PDE7B: variants seen among roughly 807,000 people sequenced by gnomAD.
PDE7B encodes phosphodiesterase 7B.
Under a neutral mutation model 56.2 loss-of-function variants are expected in PDE7B, and 29 were observed. That is an observed-to-expected ratio of 0.52 (90% CI 0.38 to 0.70). The LOEUF (loss-of-function observed/expected upper bound fraction) is 0.70. Ranked by LOEUF, PDE7B falls within the 30% of genes least tolerant of loss-of-function variation. The pLI is 0.00. For synonymous variants in PDE7B, 197 were observed against 196.9 expected, an observed-to-expected ratio of 1.00 and a Z score of 0.00; for missense variants, 490 against 565.0, an observed-to-expected ratio of 0.87 and a Z score of 1.35.
intron 2 of PDE7B, among the ~76,000 whole-genome samples, chr6:135,974,562 CAG>C (rs1309441382): frequency 6.6e-6 from 1 of 152,092 alleles, no homozygotes; most frequent in African/African-American, 2.4e-5. Context: ...ATGGCTCAAA[CAG>C]AAAAAACTTG....
intron 1 of PDE7B, among the ~76,000 whole-genome samples, chr6:135,885,922 C>T (rs1320522747): frequency 6.6e-6 from 1 of 152,174 alleles, no homozygotes; most frequent in Non-Finnish European, 1.5e-5. Context: ...CATGCAGGCA[C>T]ATTTTGATCA....
chr6:136,099,434 T>C lies in PDE7B; in HGVS notation c.83-9297T>C, dbSNP rs528888085. Among the ~76,000 whole-genome samples, 9 of 152,256 alleles carry C rather than the reference T, an allele frequency of 5.9e-5. No individual in the cohort carries two copies. In the South Asian group the frequency reaches 1.7e-3, roughly 28 times the overall value. On this transcript the variant is annotated intron_variant, in intron 2 of 12. Coordinates refer to ENST00000308191, the MANE Select transcript of PDE7B (RefSeq NM_018945.4). The stretch of plus-strand genomic sequence containing the variant: ...CTATTTCTCCACATCCTCTCCAGCA[T>C]CTGTTGTTTCCTGACTTTTTAATGA...
intron 1 of PDE7B, among the ~76,000 whole-genome samples, chr6:135,872,414 T>G (rs1486645159): frequency 6.6e-6 from 1 of 152,194 alleles, no homozygotes; most frequent in Admixed American, 6.6e-5. Flanking sequence ...AAAAATATTT[T>G]CAATTTCACA....
chr6:135,945,750 C>CCTCTTTCTTTTACAGTTCACAACTT (rs1774586662), intron 1 of PDE7B, among the ~76,000 whole-genome samples: 4 of 152,126 alleles, frequency 2.6e-5, no homozygotes, highest in Non-Finnish European at 5.9e-5. Flanking sequence ...AGCTCATCTT[C>CCTCTTTCTTTTACAGTTCACAACTT]GGTCTCCTTA....
intron 2 of PDE7B, among the ~76,000 whole-genome samples, chr6:135,954,021 A>G (rs1774746585): frequency 6.6e-6 from 1 of 152,200 alleles, no homozygotes; most frequent in Non-Finnish European, 1.5e-5. Context: ...TACTCTGCCC[A>G]AAGAGGGTAA....
In PDE7B at chr6:135,931,949, G is replaced by GCA. The variant is rs1180950177; in HGVS notation, c.22-15514_22-15513insAC. ...TTTGTTACCGCGCACACACACACGC[G>GCA]CGCGCACACACACACACACACACAC... On this transcript the variant is annotated intron_variant, in intron 1 of 12. Transcript: ENST00000308191. Among the ~76,000 whole-genome samples, 40 of 62,170 alleles carry GCA rather than the reference G, an allele frequency of 6.4e-4. No individual in the cohort carries two copies. In the East Asian group the frequency reaches 7.4e-3, roughly 11 times the overall value. The allele number at this position is 62,170 out of a possible 152,430, so 40.8% of individuals were successfully genotyped here. A position where few individuals can be genotyped will look rare whatever the true frequency, so the allele number is the denominator to read the frequency against.
At chr6:136,019,602 G>T (rs1339095584) in intron 2 of PDE7B, among the ~76,000 whole-genome samples, 1 of 152,108 alleles carries the variant, frequency 6.6e-6, no homozygotes, top group Non-Finnish European at 1.5e-5. Context: ...TAATGAGGGG[G>T]TTAGGAGAAC....
At chr6:135,988,202 A>G (rs964205989) in intron 2 of PDE7B, among the ~76,000 whole-genome samples, 5 of 152,200 alleles carry the variant, frequency 3.3e-5, no homozygotes, top group African/African-American at 1.2e-4. Flanking sequence ...ACAACCCACA[A>G]ATATTATTTG....
At chr6:136,157,717 G>GA (rs1352489969) in intron 8 of PDE7B, among the ~76,000 whole-genome samples, 3 of 151,890 alleles carry the variant, frequency 2.0e-5, no homozygotes, top group Admixed American at 6.6e-5. Context: ...GTTGCAGCGG[G>GA]AAAAAAAAGA....
chr6:136,003,495 C>T (rs888843781), intron 2 of PDE7B, among the ~76,000 whole-genome samples: 155 of 152,032 alleles, frequency 1.0e-3, no homozygotes, highest in African/African-American at 3.4e-3. Flanking sequence ...ATCAAATAGA[C>T]GCAATAAAAA....
rs188276653 is a variant in PDE7B at position 135,940,837 on chromosome 6, A to G, written c.22-6627A>G. 4.5e-3 allele frequency among the ~76,000 whole-genome samples: 680 copies of G among 152,340 alleles called. 3 individuals carry two copies. The highest frequency in any genetic ancestry group is 6.5e-3 in the Non-Finnish European group (441 of 68,020). ...AATCTCTTCTCATGCTACCCCAGAA[A>G]ACTTCAGAATAGCCCACAGAATTAC... On this transcript the variant is annotated intron_variant, in intron 1 of 12. Transcript: ENST00000308191.
rs140811279 is a variant in PDE7B at position 135,972,581 on chromosome 6, G to A, written c.82+25057G>A. The stretch of plus-strand genomic sequence containing the variant: ...CTCTTCCTGCTGCACACATCACACT[G>A]TGGTTCTCAGAATTGTTCAGATGGG... On this transcript the variant is annotated intron_variant, in intron 2 of 12. Coordinates refer to ENST00000308191, the MANE Select transcript of PDE7B (RefSeq NM_018945.4). Among the ~76,000 whole-genome samples the A allele has an allele frequency of 1.6e-3, 239 of 152,264 alleles. 1 individual carries two copies. In the East Asian group the frequency reaches 0.027, roughly 17 times the overall value.
At chr6:135,946,436 T>C (rs1365510068) in intron 1 of PDE7B, among the ~76,000 whole-genome samples, 1 of 152,146 alleles carries the variant, frequency 6.6e-6, no homozygotes, top group Non-Finnish European at 1.5e-5. Context: ...GACAACTTGC[T>C]ATGTCATAGG....
intron 1 of PDE7B, among the ~76,000 whole-genome samples, chr6:135,944,614 G>T (rs73775629): frequency 6.6e-6 from 1 of 152,272 alleles, no homozygotes; most frequent in African/African-American, 2.4e-5. Context: ...GCTATTTGGT[G>T]ATGAGCTTGT....
intron 7 of PDE7B, 81 bp from the exon 8 acceptor site, chr6:136,155,546 T>C (rs41288039): frequency 9.5e-6 from 11 of 1,163,294 alleles, no homozygotes; most frequent in South Asian, 2.8e-5. Context: ...TGATGATTCA[T>C]TGTGTTTGAT....
intron 2 of PDE7B, 55 bp downstream of exon 2, chr6:135,947,579 A>G (rs991759054): frequency 7.5e-7 from 1 of 1,327,774 alleles, no homozygotes. Context: ...ATGTGGAGTT[A>G]TCATTCTGTT....
chr6:135,961,590 T>C (rs1390016883), intron 2 of PDE7B, among the ~76,000 whole-genome samples: 1 of 152,076 alleles, frequency 6.6e-6, no homozygotes, highest in East Asian at 1.9e-4. Flanking sequence ...TTGCTGATTA[T>C]CCATGAGCAT....
At chr6:135,926,253 AT>A (rs372149936) in intron 1 of PDE7B, among the ~76,000 whole-genome samples, 1,998 of 151,826 alleles carry the variant, frequency 0.013, 40 homozygotes, top group African/African-American at 0.045. Flanking sequence ...CGCCCAGCTA[AT>A]TTTTTTGTAT....
intron 1 of PDE7B, among the ~76,000 whole-genome samples, chr6:135,943,597 G>T (rs1774543677): frequency 6.6e-6 from 1 of 152,180 alleles, no homozygotes; most frequent in African/African-American, 2.4e-5. Flanking sequence ...TACTGCCTGT[G>T]CCTCAATTTT....
Sources: gnomAD v4.1 joint callset for allele counts (sites outside exome capture counted in the v4.1 genomes callset) on GRCh38, gnomAD v4.1.1 for gene constraint, MANE v1.5 for transcripts, NCBI Gene and HGNC (gene_info 2026-07-23, HGNC 2026-07-21) for gene names.